The following LHFPL3 variants were observed in gnomAD, a reference collection of about 807,000 sequenced individuals.
LHFPL3 encodes LHFPL tetraspan subfamily member 3 protein.
A neutral mutation model predicts 19.3 loss-of-function variants in LHFPL3; 5 were observed. That is an observed-to-expected ratio of 0.26 (90% CI 0.14 to 0.54). The LOEUF (loss-of-function observed/expected upper bound fraction) is 0.54, where lower values mean the gene tolerates loss of function less well. Among genes scored for constraint, LHFPL3 ranks in the 20% least tolerant of loss-of-function variants. The probability of loss-of-function intolerance (pLI) is 0.94; values close to 1 mark genes in which losing one functional copy is unlikely to be tolerated. For synonymous variants in LHFPL3, 133 were observed against 126.2 expected, an observed-to-expected ratio of 1.05 and a Z score of -0.36; for missense variants, 249 against 307.4, an observed-to-expected ratio of 0.81 and a Z score of 1.42.
chr7:104,518,104 A>T (rs1005876181), intron 1 of LHFPL3, among the ~76,000 whole-genome samples: 2 of 152,176 alleles, frequency 1.3e-5, no homozygotes, highest in African/African-American at 2.4e-5. Context: ...CATGAATTAG[A>T]TCAACAATAG....
chr7:104,360,004 TAGTA>T (rs1161552650), intron 1 of LHFPL3, among the ~76,000 whole-genome samples: 4 of 152,242 alleles, frequency 2.6e-5, no homozygotes, highest in Non-Finnish European at 5.9e-5. Flanking sequence ...GTCACACAAA[TAGTA>T]AGTGAGATAG....
intron 1 of LHFPL3, among the ~76,000 whole-genome samples, chr7:104,710,321 G>A (rs1430781117): frequency 1.3e-5 from 2 of 152,216 alleles, no homozygotes; most frequent in Non-Finnish European, 2.9e-5. Context: ...ATTTGTTGGT[G>A]AGTCTGATTT....
intron 1 of LHFPL3, among the ~76,000 whole-genome samples, chr7:104,707,586 T>C (rs1362846214): frequency 3.3e-5 from 5 of 152,154 alleles, no homozygotes; most frequent in Non-Finnish European, 7.4e-5. Context: ...ACAAGGAGGA[T>C]GTTTATTCTC....
chr7:104,455,924 C>T (rs1458638577), intron 1 of LHFPL3, among the ~76,000 whole-genome samples: 2 of 150,886 alleles, frequency 1.3e-5, no homozygotes, highest in Non-Finnish European at 3.0e-5. Flanking sequence ...TAAGTGTTTA[C>T]AATGGAAATG....
intron 1 of LHFPL3, among the ~76,000 whole-genome samples, chr7:104,457,564 G>A (rs1186565197): frequency 2.0e-5 from 3 of 150,168 alleles, no homozygotes; most frequent in African/African-American, 4.9e-5. Flanking sequence ...GAATAGTGCC[G>A]CAGTAAACAT....
intron 1 of LHFPL3, among the ~76,000 whole-genome samples, chr7:104,547,713 C>T (rs1192087542): frequency 6.6e-6 from 1 of 152,094 alleles, no homozygotes; most frequent in Admixed American, 6.6e-5. Context: ...CCCACCACTT[C>T]ATGGCCCTTT....
At chr7:104,704,836 T>C (rs1042778879) in intron 1 of LHFPL3, among the ~76,000 whole-genome samples, 1 of 152,068 alleles carries the variant, frequency 6.6e-6, no homozygotes, top group African/African-American at 2.4e-5. Flanking sequence ...GGGTCTCACT[T>C]TGTTGCCCAG....
intron 1 of LHFPL3, among the ~76,000 whole-genome samples, chr7:104,649,341 T>C (rs571184459): frequency 6.6e-6 from 1 of 152,152 alleles, no homozygotes; most frequent in Non-Finnish European, 1.5e-5. Flanking sequence ...AATCATGCGG[T>C]CCCACCAGAG....
At chr7:104,584,960 T>C (rs1790536411) in intron 1 of LHFPL3, among the ~76,000 whole-genome samples, 1 of 152,188 alleles carries the variant, frequency 6.6e-6, no homozygotes, top group Admixed American at 6.5e-5. Flanking sequence ...TGTTTACATA[T>C]GTTTTATGTT....
intron 1 of LHFPL3, among the ~76,000 whole-genome samples, chr7:104,561,749 C>T (rs376105419): frequency 1.6e-4 from 24 of 152,058 alleles, no homozygotes; most frequent in Admixed American, 3.3e-4. Context: ...TTATTTTGCT[C>T]GTTAGTTGAT....
chr7:104,385,478 G>A (rs1790921140), intron 1 of LHFPL3, among the ~76,000 whole-genome samples: 2 of 152,198 alleles, frequency 1.3e-5, no homozygotes, highest in South Asian at 4.1e-4. Flanking sequence ...AGCTAAGTCT[G>A]CAAAGCTGAA....
intron 1 of LHFPL3, among the ~76,000 whole-genome samples, chr7:104,479,963 T>G (rs1408136488): frequency 6.6e-6 from 1 of 152,240 alleles, no homozygotes; most frequent in East Asian, 1.9e-4. Context: ...TAGGTTTTAT[T>G]ATTTTCATGT....
chr7:104,482,054 C>T (rs945502938), intron 1 of LHFPL3, among the ~76,000 whole-genome samples: 3 of 152,204 alleles, frequency 2.0e-5, no homozygotes, highest in African/African-American at 7.2e-5. Context: ...TACATCCTTT[C>T]CTCCCCTCAG....
intron 1 of LHFPL3, among the ~76,000 whole-genome samples, chr7:104,390,988 A>T (rs189579830): frequency 3.3e-5 from 5 of 152,328 alleles, no homozygotes; most frequent in Admixed American, 1.3e-4. Flanking sequence ...TCTTCTTTTG[A>T]AAAGGATCTG....
chr7:104,531,238 G>T (rs1362675797), intron 1 of LHFPL3, among the ~76,000 whole-genome samples: 4 of 152,074 alleles, frequency 2.6e-5, no homozygotes, highest in Non-Finnish European at 5.9e-5. Context: ...CTTCCCAGAG[G>T]TGTCCAGAAA....
At chr7:104,474,687 CAA>C (rs928431129) in intron 1 of LHFPL3, among the ~76,000 whole-genome samples, 3 of 41,042 alleles carry the variant, frequency 7.3e-5, no homozygotes, top group Admixed American at 3.2e-4. Flanking sequence ...ACAACAACAA[CAA>C]AAAAAAAAAA....
intron 1 of LHFPL3, among the ~76,000 whole-genome samples, chr7:104,420,965 AC>A (rs1791721472): frequency 1.3e-5 from 2 of 152,148 alleles, no homozygotes; most frequent in Non-Finnish European, 2.9e-5. Flanking sequence ...AGTGGACTAC[AC>A]GTGGGATAAT....
rs200871990 is a variant in LHFPL3, at chr7:104,891,178, TA to T, written c.683-14999del. Among the ~76,000 whole-genome samples the T allele has an allele frequency of 9.4e-3, 1,408 of 149,550 alleles. 13 individuals carry two copies. Among genetic ancestry groups the T allele is most frequent in the Middle Eastern group, 0.014 (4 of 288 alleles). On this transcript the variant is annotated intron_variant, in intron 2 of 2. Coordinates refer to ENST00000424859, the MANE Select transcript of LHFPL3 (RefSeq NM_199000.3). ...TTTGTGTTGCTATAACAGAATACCA[TA>T]AAAAAAAAATTTGTTTTGTTTGAAT... is the stretch of plus-strand genomic sequence containing the variant.
intron 1 of LHFPL3, among the ~76,000 whole-genome samples, chr7:104,355,449 A>T (rs1031565141): frequency 6.6e-6 from 1 of 152,212 alleles, no homozygotes; most frequent in African/African-American, 2.4e-5. Context: ...TGTGACCCAG[A>T]CACTCTGCTA....
Sources: gnomAD v4.1 joint callset for allele counts (sites outside exome capture counted in the v4.1 genomes callset) on GRCh38, gnomAD v4.1.1 for gene constraint, MANE v1.5 for transcripts, NCBI Gene and HGNC (gene_info 2026-07-23, HGNC 2026-07-21) for gene names.